Variants in MYO6 observed in about 807,000 individuals in gnomAD.
MYO6 encodes myosin VI.
A neutral mutation model predicts 178.7 loss-of-function variants in MYO6; 74 were observed. That is an observed-to-expected ratio of 0.41 (90% CI 0.34 to 0.50). The LOEUF (loss-of-function observed/expected upper bound fraction) is 0.50. Among genes scored for constraint, MYO6 ranks in the 20% least tolerant of loss-of-function variants. The pLI, the probability that MYO6 is intolerant of heterozygous loss-of-function variation, is 0.09. For missense variants in MYO6, 1,330 were observed against 1,547.4 expected (o/e 0.86, Z 2.36); for synonymous variants, 477 against 504.6 (o/e 0.95, Z 0.73).
At chr6:75,841,151 T>A in intron 8 of MYO6, 63 bp from the exon 9 acceptor site, 2 of 1,455,976 alleles carry the variant, frequency 1.4e-6, no homozygotes, top group Non-Finnish European at 1.9e-6. Context: ...AATTTAACAT[T>A]GGTTAATTAT....
In MYO6 at chr6:75,891,169, C is replaced by T. The variant is rs1445170437; in HGVS notation, c.2868-59C>T. ...TATTATTAAATAATAGTTAAATTGC[C>T]TTCTGAAGGATTCTTTATTTTCTGT... On this transcript the variant is annotated intron_variant, in intron 26 of 34. Coordinates refer to ENST00000369977, the MANE Select transcript of MYO6 (RefSeq NM_004999.4). 5.1e-6 allele frequency: 6 copies of T among 1,186,622 alleles called. No homozygotes were observed. In the East Asian group the frequency reaches 7.9e-5, roughly 16 times the overall value. The allele number at this position is 1,186,622 out of a possible 1,614,324, so 73.5% of individuals were successfully genotyped here.
intron 4 of MYO6, among the ~76,000 whole-genome samples, chr6:75,828,815 A>G (rs1177360202): frequency 6.6e-6 from 1 of 152,186 alleles, no homozygotes; most frequent in Non-Finnish European, 1.5e-5. Flanking sequence ...CCTGGTACAC[A>G]GAAAGCACTT....
chr6:75,885,458 T>C (rs1778354574), intron 23 of MYO6, among the ~76,000 whole-genome samples: 1 of 151,954 alleles, frequency 6.6e-6, no homozygotes, highest in South Asian at 2.1e-4. Flanking sequence ...ATCTCTTTTT[T>C]TTTTTTTTGA....
chr6:75,871,336 G>A (rs1392154637), intron 19 of MYO6, among the ~76,000 whole-genome samples: 1 of 152,076 alleles, frequency 6.6e-6, no homozygotes, highest in Non-Finnish European at 1.5e-5. Context: ...TGCAACCTCC[G>A]CCTCTCTGGT....
intron 1 of MYO6, among the ~76,000 whole-genome samples, chr6:75,799,364 C>T (rs563988470): frequency 6.0e-5 from 9 of 150,102 alleles, no homozygotes; most frequent in African/African-American, 1.7e-4. Flanking sequence ...CCTTCCACCC[C>T]GGACGACAAG....
chr6:75,909,790 T>C (rs73751756), intron 32 of MYO6, among the ~76,000 whole-genome samples: 255 of 152,256 alleles, frequency 1.7e-3, no homozygotes, highest in African/African-American at 6.0e-3. Flanking sequence ...CAGTTGATAG[T>C]ATAGTTTAGC....
chr6:75,866,700 G>T, intron 17 of MYO6, 79 bp downstream of exon 17: 2 of 1,278,680 alleles, frequency 1.6e-6, no homozygotes, highest in Non-Finnish European at 2.3e-6. Flanking sequence ...TAGTCACGTG[G>T]TTATTAATTA....
chr6:75,831,708 C>G (rs754322492), intron 5 of MYO6, among the ~76,000 whole-genome samples: 1 of 151,810 alleles, frequency 6.6e-6, no homozygotes, highest in Non-Finnish European at 1.5e-5. Flanking sequence ...CCTGGGCAAA[C>G]ATGCAAAATC....
In MYO6 at chr6:75,918,519, C is replaced by G. The variant is rs1781252744; in HGVS notation, c.*3507C>G. On this transcript the variant is annotated 3_prime_UTR_variant, in exon 35 of 35. Transcript: ENST00000369977. ...TATTAAAACTTGGATCAAGATATGC[C>G]CGGTGTATACATTCTTAGCACATAG... 6.6e-6 allele frequency: 1 copy of G among 152,078 alleles called. No homozygotes were observed. The highest frequency in any genetic ancestry group is 6.5e-5 in the Admixed American group (1 of 15,278). 9.4% of individuals were successfully genotyped at this position (152,078 alleles called of 1,614,324 possible).
At chr6:75,859,034 C>G (rs757849367) in intron 14 of MYO6, 41 bp downstream of exon 14, 1 of 1,300,780 alleles carries the variant, frequency 7.7e-7, no homozygotes, top group South Asian at 1.2e-5. Context: ...CTGCATAAAG[C>G]TATTTTAAAT....
intron 26 of MYO6, among the ~76,000 whole-genome samples, chr6:75,890,758 A>T (rs1196846728): frequency 6.6e-6 from 1 of 152,198 alleles, no homozygotes; most frequent in Non-Finnish European, 1.5e-5. Context: ...TTTTAACTAT[A>T]ATCTGAATTT....
At chr6:75,804,109 G>C (rs2150125537) in intron 1 of MYO6, among the ~76,000 whole-genome samples, 1 of 152,320 alleles carries the variant, frequency 6.6e-6, no homozygotes, top group Admixed American at 6.5e-5. Context: ...GCCCAGAGTG[G>C]CTTTGAACTC....
In MYO6 at chr6:75,855,236, A is replaced by G. The variant is rs2273857; in HGVS notation, c.1176A>G (p.Thr392=). 0.016 allele frequency: 26,370 copies of G among 1,613,670 alleles called. 409 individuals are homozygous for G. Among genetic ancestry groups the G allele is most frequent in the East Asian group, 0.093 (4,169 of 44,828 alleles). ...DQDDLRVSLT[T]RVMLTTAGGT... ...ATGATCTTCGAGTAAGTTTGACCAC[A>G]AGAGTCATGCTAACAACAGCAGGGG... The change falls in exon 12 of 35, where the codon ACA becomes ACG. Residue 392 remains threonine (T), a synonymous_variant. Transcript: ENST00000369977.
chr6:75,859,721 G>A (rs1260432254), intron 14 of MYO6, among the ~76,000 whole-genome samples: 44 of 146,432 alleles, frequency 3.0e-4, no homozygotes, highest in Admixed American at 1.0e-3. Context: ...ATGCAGTGGC[G>A]CGATCTCGGC....
chr6:75,859,906 T>TG, intron 14 of MYO6, among the ~76,000 whole-genome samples: 1 of 152,292 alleles, frequency 6.6e-6, no homozygotes, highest in East Asian at 1.9e-4. Context: ...GTGATCTGCC[T>TG]GCCTCAGCCT....
chr6:75,890,427 C>CA (rs1177321939), intron 26 of MYO6, among the ~76,000 whole-genome samples, 162 bp downstream of exon 26: 1 of 152,126 alleles, frequency 6.6e-6, no homozygotes, highest in African/African-American at 2.4e-5. Context: ...GCTTACTGCA[C>CA]TCTGCCTCTC....
intron 30 of MYO6, among the ~76,000 whole-genome samples, chr6:75,901,069 C>T (rs1237643871): frequency 3.3e-5 from 5 of 152,112 alleles, no homozygotes; most frequent in Non-Finnish European, 2.9e-5. Flanking sequence ...TTTCTGAGGG[C>T]TCTGTTCTGT....
intron 30 of MYO6, among the ~76,000 whole-genome samples, chr6:75,904,961 T>G (rs1460550256): frequency 2.0e-5 from 3 of 152,214 alleles, no homozygotes; most frequent in Non-Finnish European, 1.5e-5. Context: ...GACCCTCAGC[T>G]GCAGGTCTGT....
intron 2 of MYO6, among the ~76,000 whole-genome samples, chr6:75,821,161 T>A (rs919554576): frequency 6.6e-6 from 1 of 152,142 alleles, no homozygotes; most frequent in African/African-American, 2.4e-5. Context: ...TGCTCTTAAC[T>A]TTCTCATTCC....
Sources: gnomAD v4.1 joint callset for allele counts (sites outside exome capture counted in the v4.1 genomes callset) on GRCh38, gnomAD v4.1.1 for gene constraint, MANE v1.5 for transcripts, NCBI Gene and HGNC (gene_info 2026-07-23, HGNC 2026-07-21) for gene names.